The following PECR variants were observed in gnomAD, a reference collection of about 807,000 sequenced individuals.
PECR encodes the protein 2,4-dienoyl-CoA reductase-related protein.
PECR carries 30 observed loss-of-function variants against 35.3 expected under a neutral mutation model. The observed-to-expected ratio is 0.85, with a 90% CI of 0.64 to 1.15. PECR has a LOEUF of 1.15. Among genes scored for constraint, PECR ranks in the 50% most tolerant of loss-of-function variants. The pLI is 0.00. For missense variants in PECR, 392 were observed against 370.8 expected, an observed-to-expected ratio of 1.06 and a Z score of -0.47; for synonymous variants, 148 against 138.9, an observed-to-expected ratio of 1.07 and a Z score of -0.46.
chr2:216,063,888 CTTTTTTTTT>C (rs959726341), intron 3 of PECR: 3 of 150,388 alleles, frequency 2.0e-5, no homozygotes, highest in African/African-American at 7.3e-5. Context: ...AATTTTTTTT[CTTTTTTTTT>C]GTATCTTAGT....
At chr2:216,065,033 C>A (rs1290523138) in intron 3 of PECR, among the ~76,000 whole-genome samples, 1 of 152,114 alleles carries the variant, frequency 6.6e-6, no homozygotes, top group Non-Finnish European at 1.5e-5. Flanking sequence ...AGAGTTTTCT[C>A]CAATTTTATG....
At chr2:216,036,947 G>A (rs566319182), downstream of PECR, among the ~76,000 whole-genome samples, 1 of 152,276 alleles carries the variant, frequency 6.6e-6, no homozygotes, top group East Asian at 1.9e-4. Context: ...CTGTCTTTCA[G>A]TTATATGCCG....
chr2:216,043,070 T>TGC, intron 7 of PECR, among the ~76,000 whole-genome samples: 1 of 42,848 alleles, frequency 2.3e-5, no homozygotes, highest in East Asian at 5.9e-4. Context: ...TATATATGTA[T>TGC]GTATATATAT....
At chr2:216,074,451 AAAAG>A (rs1471082897) in intron 1 of PECR, among the ~76,000 whole-genome samples, 1 of 122,772 alleles carries the variant, frequency 8.1e-6, no homozygotes, top group Non-Finnish European at 1.6e-5. Context: ...AAAAAGAAAG[AAAAG>A]AAAGAAAAGA....
At chr2:216,066,953 T>C (rs1695479844) in intron 1 of PECR, among the ~76,000 whole-genome samples, 1 of 152,072 alleles carries the variant, frequency 6.6e-6, no homozygotes, top group Non-Finnish European at 1.5e-5. Flanking sequence ...CTGAAATAAC[T>C]AAAAAATTGG....
intron 3 of PECR, among the ~76,000 whole-genome samples, chr2:216,063,117 G>A (rs980294331): frequency 7.2e-5 from 11 of 152,056 alleles, no homozygotes; most frequent in African/African-American, 2.7e-4. Context: ...TAACAGAAAT[G>A]TGAACATGTT....
intron 1 of PECR, among the ~76,000 whole-genome samples, chr2:216,074,180 C>T (rs1196024263): frequency 6.6e-6 from 1 of 152,226 alleles, no homozygotes; most frequent in Non-Finnish European, 1.5e-5. Flanking sequence ...TGCAGTGGCT[C>T]ATGCCTGTAA....
downstream of PECR, among the ~76,000 whole-genome samples, chr2:216,037,742 T>A (rs1212035440): frequency 6.6e-6 from 1 of 152,086 alleles, no homozygotes; most frequent in Non-Finnish European, 1.5e-5. Flanking sequence ...AAGCTGCAGA[T>A]TCTGGGTCCC....
At chr2:216,033,011 A>C (rs1297530717) in intron 7 of PECR, 1 of 152,242 alleles carries the variant, frequency 6.6e-6, no homozygotes, top group African/African-American at 2.4e-5. Context: ...GAATACAAAT[A>C]ATTCATTCAT....
rs1233338816 is a variant in PECR, at chr2:216,038,873, C to T, written c.*402G>A. On this transcript the variant is annotated 3_prime_UTR_variant, in exon 8 of 8. Coordinates refer to ENST00000265322, the MANE Select transcript of PECR (RefSeq NM_018441.6). The stretch of plus-strand genomic sequence containing the variant: ...CTCCTGACCTCAACTGACCCGCCTA[C>T]CTCGGCCTCCCAAAGTGCTGGAATT... 1 of 216,742 alleles carries T rather than the reference C, an allele frequency of 4.6e-6. No individual in the cohort carries two copies. 13.4% of individuals were successfully genotyped at this position (216,742 alleles called of 1,614,324 possible).
rs760489881 is a variant in PECR at position 216,051,429 on chromosome 2, A to G, written c.603+20T>C. ...AAAGCATAATTTGTCAATAAATTTC[A>G]ATATAGATCGTTTACCTACAGGGGC... On this transcript the variant is annotated intron_variant, in intron 5 of 7. Transcript: ENST00000265322. The G allele has an allele frequency of 7.1e-7, 1 of 1,410,392 alleles. No homozygotes were observed. The highest frequency in any genetic ancestry group is 1.0e-6 in the Non-Finnish European group (1 of 993,612). 87.4% of individuals were successfully genotyped at this position (1,410,392 alleles called of 1,614,324 possible).
rs1235448785 is a variant in PECR, at chr2:216,043,901, C to T, written c.826+3G>A. The T allele has an allele frequency of 1.1e-5, 16 of 1,496,732 alleles. No homozygotes were observed. Among genetic ancestry groups the T allele is most frequent in the Admixed American group, 1.7e-5 (1 of 59,866 alleles). The allele number at this position is 1,496,732 out of a possible 1,614,324, so 92.7% of individuals were successfully genotyped here. On this transcript the variant is annotated splice_donor_region_variant and intron_variant, in intron 7 of 7. Transcript: ENST00000265322. ...GGTGACTGCTCATTCCTCAGCTGCT[C>T]ACCTGGTACCTCATACGAGTGAGTA... is the stretch of plus-strand genomic sequence containing the variant.
At chr2:216,034,316 T>G (rs1353173990), downstream of PECR, among the ~76,000 whole-genome samples, 1 of 152,204 alleles carries the variant, frequency 6.6e-6, no homozygotes, top group Non-Finnish European at 1.5e-5. Flanking sequence ...TGATTGGCTG[T>G]GGGTCCCAGC....
At chr2:216,060,758 CAA>C (rs1175991133) in intron 3 of PECR, among the ~76,000 whole-genome samples, 2 of 151,910 alleles carry the variant, frequency 1.3e-5, no homozygotes, top group Non-Finnish European at 2.9e-5. Flanking sequence ...TGAGCCATTT[CAA>C]AAAGACACAG....
Position 216,060,343 on chromosome 2 carries a change from T to TGTA in PECR, c.425-1370_425-1368dup, listed in dbSNP as rs751179581. 3.9e-5 allele frequency among the ~76,000 whole-genome samples: 6 copies of TGTA among 152,126 alleles called. No homozygotes were observed. The South Asian group carries it at 1.0e-3, about 26-fold the overall frequency. On this transcript the variant is annotated intron_variant, in intron 3 of 7. Transcript: ENST00000265322. ...TGATAACCCAGTAGTAGTGAACACA[T>TGTA]GTAGTACCCAAATCTCGCCTTCTAA...
chr2:216,034,374 G>T (rs888114985), downstream of PECR, among the ~76,000 whole-genome samples: 2 of 152,228 alleles, frequency 1.3e-5, no homozygotes, highest in South Asian at 2.1e-4. Flanking sequence ...GCTGCTCCTG[G>T]CCTGTGACAA....
intron 6 of PECR, among the ~76,000 whole-genome samples, chr2:216,048,843 C>CAAAAAAAAAA (rs59623283): frequency 1.3e-5 from 1 of 74,090 alleles, no homozygotes; most frequent in African/African-American, 5.0e-5. Context: ...CTGTCTCAAG[C>CAAAAAAAAAA]AAAAAAAAAA....
chr2:216,050,913 A>G (rs1290334586), intron 5 of PECR: 5 of 153,520 alleles, frequency 3.3e-5, no homozygotes, highest in African/African-American at 1.2e-4. Flanking sequence ...AAAAAAAAAA[A>G]AAAGCCAGAA....
At position 216,072,885 on chromosome 2, in the gene PECR, G is replaced by A. The variant is rs575054161; in HGVS notation, c.125-6367C>T. Among the ~76,000 whole-genome samples the A allele has an allele frequency of 4.6e-5, 7 of 152,312 alleles. No individual in the cohort carries two copies. In the East Asian group the frequency reaches 1.3e-3, roughly 29 times the overall value. The stretch of plus-strand genomic sequence containing the variant: ...TATTTTCCTTTGTAAACACCCAGTA[G>A]TGGGTTTGCTGAATTGAATGGCAAT... On this transcript the variant is annotated intron_variant, in intron 1 of 7. Coordinates refer to ENST00000265322, the MANE Select transcript of PECR (RefSeq NM_018441.6).
Sources: allele counts gnomAD v4.1 joint callset (sites outside exome capture counted in the v4.1 genomes callset), GRCh38; gene constraint gnomAD v4.1.1; transcripts MANE v1.5; gene names NCBI Gene and HGNC (gene_info 2026-07-23, HGNC 2026-07-21).